Variants in RAB6B observed in about 807,000 individuals in gnomAD.
RAB6B encodes RAB6B, member RAS oncogene family.
RAB6B carries 7 observed loss-of-function variants against 31.2 expected under a neutral mutation model. The observed-to-expected ratio is 0.22, with a 90% confidence interval of 0.13 to 0.42. The LOEUF (loss-of-function observed/expected upper bound fraction) is 0.42, where lower values mean the gene tolerates loss of function less well. Among genes scored for constraint, RAB6B ranks in the 10% least tolerant of loss-of-function variants. The pLI is 1.00. For synonymous variants in RAB6B, 105 were observed against 104.9 expected, an observed-to-expected ratio of 1.00 and a Z score of -0.01; for missense variants, 149 against 280.6, an observed-to-expected ratio of 0.53 and a Z score of 3.35.
At chr3:133,860,247 T>C (rs940503374) in intron 2 of RAB6B, among the ~76,000 whole-genome samples, 2 of 152,316 alleles carry the variant, frequency 1.3e-5, no homozygotes, top group Admixed American at 1.3e-4. Context: ...TTAAGGATCT[T>C]GAGAGAAAAA....
chr3:133,856,921 C>CA (rs894601746), intron 2 of RAB6B, among the ~76,000 whole-genome samples: 9 of 151,922 alleles, frequency 5.9e-5, no homozygotes, highest in African/African-American at 2.2e-4. Flanking sequence ...ATAATGTCTG[C>CA]AAAAAATGAA....
At chr3:133,893,096 T>C (rs1382806731) in intron 1 of RAB6B, among the ~76,000 whole-genome samples, 3 of 152,208 alleles carry the variant, frequency 2.0e-5, no homozygotes, top group Non-Finnish European at 4.4e-5. Flanking sequence ...CTAATGACCA[T>C]GTTCCAAGGG....
At chr3:133,866,382 G>C (rs1237714773) in intron 1 of RAB6B, among the ~76,000 whole-genome samples, 1 of 152,086 alleles carries the variant, frequency 6.6e-6, no homozygotes, top group African/African-American at 2.4e-5. Flanking sequence ...TCCTTGATAG[G>C]TCATGCTGGG....
At chr3:133,858,830 A>C (rs1360714842) in intron 2 of RAB6B, among the ~76,000 whole-genome samples, 1 of 151,766 alleles carries the variant, frequency 6.6e-6, no homozygotes, top group Non-Finnish European at 1.5e-5. Flanking sequence ...ACTGCCCTCC[A>C]CTCCAACATG....
At chr3:133,871,915 C>T (rs1391863656) in intron 1 of RAB6B, among the ~76,000 whole-genome samples, 1 of 152,234 alleles carries the variant, frequency 6.6e-6, no homozygotes, top group Non-Finnish European at 1.5e-5. Context: ...GGATCCTGAT[C>T]CTCCTGGGGT....
At chr3:133,858,970 A>G (rs970969299) in intron 2 of RAB6B, among the ~76,000 whole-genome samples, 7 of 152,084 alleles carry the variant, frequency 4.6e-5, no homozygotes, top group Non-Finnish European at 8.8e-5. Context: ...GTATGTATGT[A>G]TGTATTTATT....
At chr3:133,886,354 A>G (rs1936547159) in intron 1 of RAB6B, among the ~76,000 whole-genome samples, 1 of 152,224 alleles carries the variant, frequency 6.6e-6, no homozygotes. Context: ...ATTGTGGGCC[A>G]AGTACTACCG....
In RAB6B at chr3:133,828,348, TAGG is replaced by T. The variant is rs1207896624; in HGVS notation, c.*437_*439del. On this transcript the variant is annotated 3_prime_UTR_variant, in exon 8 of 8. Transcript: ENST00000285208. ...TTGTTTTAATTTATTGGGCTGGGGA[TAGG>T]AGGAAGGCAGAGGTGATGAATGGTT... 2.9e-6 allele frequency: 1 copy of T among 347,646 alleles called. No individual in the cohort carries two copies. Among genetic ancestry groups the T allele is most frequent in the African/African-American group, 2.1e-5 (1 of 47,046 alleles). 21.5% of individuals were successfully genotyped at this position (347,646 alleles called of 1,614,324 possible). A position where few individuals can be genotyped will look rare whatever the true frequency, so the allele number is the denominator to read the frequency against.
intron 1 of RAB6B, among the ~76,000 whole-genome samples, chr3:133,872,559 G>A (rs2108008276): frequency 6.6e-6 from 1 of 152,308 alleles, no homozygotes; most frequent in South Asian, 2.1e-4. Flanking sequence ...AGAAAGTCCA[G>A]CCCTATTCTT....
chr3:133,888,477 A>T (rs2715610), intron 1 of RAB6B, among the ~76,000 whole-genome samples: 85,716 of 152,044 alleles, frequency 0.56, 24,659 homozygotes, highest in African/African-American at 0.68. Flanking sequence ...GGGTGAGGTA[A>T]CATCTGCCTC....
chr3:133,835,587 C>T (rs995659744), intron 6 of RAB6B, among the ~76,000 whole-genome samples: 32 of 151,616 alleles, frequency 2.1e-4, no homozygotes, highest in East Asian at 1.4e-3. Context: ...GTGACAGGTA[C>T]GAGGCAGAAG....
intron 2 of RAB6B, among the ~76,000 whole-genome samples, chr3:133,848,126 A>G (rs575463636): frequency 3.9e-4 from 60 of 152,322 alleles, no homozygotes; most frequent in African/African-American, 1.4e-3. Context: ...GTATATTCCA[A>G]AAAGAGCCTA....
intron 1 of RAB6B, among the ~76,000 whole-genome samples, chr3:133,871,219 T>G (rs1204039671): frequency 6.6e-6 from 1 of 152,190 alleles, no homozygotes; most frequent in Non-Finnish European, 1.5e-5. Context: ...GCAGTCCATA[T>G]CCAGTGGTGA....
chr3:133,831,005 G>A (rs1473143428), intron 7 of RAB6B, among the ~76,000 whole-genome samples: 1 of 152,222 alleles, frequency 6.6e-6, no homozygotes, highest in African/African-American at 2.4e-5. Flanking sequence ...TATCAGTCCT[G>A]GTTGAGAACT....
At chr3:133,884,548 C>T (rs1936511812) in intron 1 of RAB6B, among the ~76,000 whole-genome samples, 1 of 152,206 alleles carries the variant, frequency 6.6e-6, no homozygotes, top group African/African-American at 2.4e-5. Flanking sequence ...ACCCAGCAGA[C>T]AGGCATAGGG....
rs1936706224 is a variant in RAB6B, at chr3:133,895,841, G to A, written c.-375C>T. 2 of 207,612 alleles carry A rather than the reference G, an allele frequency of 9.6e-6. No homozygotes were observed. The highest frequency in any genetic ancestry group is 2.1e-4 in the East Asian group (2 of 9,524). The allele number at this position is 207,612 out of a possible 1,614,324, so 12.9% of individuals were successfully genotyped here. On this transcript the variant is annotated 5_prime_UTR_variant, in exon 1 of 8. Coordinates refer to ENST00000285208, the MANE Select transcript of RAB6B (RefSeq NM_016577.4). ...GCGCTCTCCAGAGCCGCGCCAGTCGGCCCCCTCCCGCCTGCCTCCTCCGCC... is the reference window on the plus strand; with the variant it reads ...GCGCTCTCCAGAGCCGCGCCAGTCGACCCCCTCCCGCCTGCCTCCTCCGCC...
chr3:133,841,021 G>A (rs891544677), intron 4 of RAB6B, among the ~76,000 whole-genome samples: 7 of 152,172 alleles, frequency 4.6e-5, no homozygotes, highest in African/African-American at 9.7e-5. Context: ...CACACCACAA[G>A]CTGGCCTCCA....
intron 2 of RAB6B, among the ~76,000 whole-genome samples, chr3:133,845,202 T>G (rs1179990201): frequency 6.6e-6 from 1 of 152,224 alleles, no homozygotes; most frequent in Non-Finnish European, 1.5e-5. Context: ...GGTCTGAATG[T>G]GTCCCCTGTA....
At chr3:133,888,703 C>T (rs1936588125) in intron 1 of RAB6B, among the ~76,000 whole-genome samples, 1 of 152,148 alleles carries the variant, frequency 6.6e-6, no homozygotes, top group African/African-American at 2.4e-5. Context: ...TTGTTTAGGG[C>T]AAAAGTTATG....
Sources: gnomAD v4.1 joint callset for allele counts (sites outside exome capture counted in the v4.1 genomes callset) on GRCh38, gnomAD v4.1.1 for gene constraint, MANE v1.5 for transcripts, NCBI Gene and HGNC (gene_info 2026-07-23, HGNC 2026-07-21) for gene names.